The following DNAH7 variants were observed in gnomAD, a reference collection of about 807,000 sequenced individuals.
DNAH7 encodes axonemal beta dynein heavy chain 7.
In DNAH7, 397 loss-of-function variants were observed where a neutral mutation model predicts 444.6. That is an observed-to-expected ratio of 0.89 (90% confidence interval 0.82 to 0.97). The LOEUF (loss-of-function observed/expected upper bound fraction) is 0.97. Among genes scored for constraint, DNAH7 ranks in the 50% least tolerant of loss-of-function variants. DNAH7 has a pLI of 0.00. For synonymous variants in DNAH7, 1,636 were observed against 1,624.4 expected, an observed-to-expected ratio of 1.01 and a Z score of -0.17; for missense variants, 4,902 against 4,800.8, an observed-to-expected ratio of 1.02 and a Z score of -0.62.
At chr2:195,781,622 C>G (rs1299625474) in intron 58 of DNAH7, among the ~76,000 whole-genome samples, 3 of 152,048 alleles carry the variant, frequency 2.0e-5, no homozygotes, top group African/African-American at 4.8e-5. Flanking sequence ...AAGTCAACAA[C>G]TAGTATTCAT....
At chr2:195,958,731 T>G (rs1690870435) in intron 18 of DNAH7, among the ~76,000 whole-genome samples, 1 of 152,200 alleles carries the variant, frequency 6.6e-6, no homozygotes, top group Non-Finnish European at 1.5e-5. Flanking sequence ...AAACTAATAA[T>G]TTTACAAGTA....
chr2:195,881,733 T>C, intron 36 of DNAH7, 62 bp downstream of exon 36: 1 of 1,496,986 alleles, frequency 6.7e-7, no homozygotes, highest in Middle Eastern at 1.8e-4. Context: ...TTGTCTGCTA[T>C]TTCAAAAACA....
At position 195,960,467 on chromosome 2, in the gene DNAH7, G is replaced by C. The variant is rs766157769; in HGVS notation, c.2684C>G (p.Ala895Gly). The part of the protein sequence containing the change: ...IDRFEGISEA[A>G]SKEYSLEKAM... Reference sequence around the variant, plus strand: ...CTTTTCAAGAGAATATTCTTTGCTAGCTGCTTCACTAATACCTTCAAATCG... The same window carrying C: ...CTTTTCAAGAGAATATTCTTTGCTACCTGCTTCACTAATACCTTCAAATCG... Residue 895 changes from alanine to glycine, a missense_variant, in exon 18 of 65, where the codon GCT becomes GGT. Coordinates refer to ENST00000312428, the MANE Select transcript of DNAH7 (RefSeq NM_018897.3). 86 of 1,614,022 alleles carry C rather than the reference G, an allele frequency of 5.3e-5. No homozygotes were observed. Among genetic ancestry groups the C allele is most frequent in the Non-Finnish European group, 6.9e-5 (81 of 1,180,032 alleles).
In DNAH7 at chr2:195,994,291, C is replaced by T. The variant is rs554186349; in HGVS notation, c.1354-6062G>A. ...TCCACCAGTGGAAGCTTTTCCAAATCATCAGCATCAAAGATATCACTGATG... is the reference window on the plus strand; with the variant it reads ...TCCACCAGTGGAAGCTTTTCCAAATTATCAGCATCAAAGATATCACTGATG... On this transcript the variant is annotated intron_variant, in intron 12 of 64. Transcript: ENST00000312428. 44 of 434,554 alleles carry T rather than the reference C, an allele frequency of 1.0e-4. No individual in the cohort carries two copies. The East Asian group carries it at 2.4e-3, about 24-fold the overall frequency. The allele number at this position is 434,554 out of a possible 1,614,324, so 26.9% of individuals were successfully genotyped here.
intron 7 of DNAH7, among the ~76,000 whole-genome samples, chr2:196,024,809 AT>A (rs1434987463): frequency 1.3e-5 from 2 of 152,186 alleles, no homozygotes; most frequent in Non-Finnish European, 2.9e-5. Context: ...CATCAAAAAT[AT>A]TCTTGTTGAA....
intron 17 of DNAH7, among the ~76,000 whole-genome samples, chr2:195,962,381 T>C (rs2889140): frequency 0.31 from 47,280 of 152,080 alleles, 10,354 homozygotes; most frequent in African/African-American, 0.62. Context: ...GAGACAGTCT[T>C]GCTCTGTCAC....
rs1017325075 is a variant in DNAH7 at position 195,776,078 on chromosome 2, T to C, written c.11065-95A>G. ...GAGGCAGTTTTCAATACTCAAGTTATTGACTGGATAGGCCTGTGACACTGG... is the reference window on the plus strand; with the variant it reads ...GAGGCAGTTTTCAATACTCAAGTTACTGACTGGATAGGCCTGTGACACTGG... On this transcript the variant is annotated intron_variant, in intron 59 of 64. Coordinates refer to ENST00000312428, the MANE Select transcript of DNAH7 (RefSeq NM_018897.3). The C allele has an allele frequency of 4.1e-6, 6 of 1,463,256 alleles. No homozygotes were observed. In the African/African-American group the frequency reaches 4.2e-5, roughly 10 times the overall value. The allele number at this position is 1,463,256 out of a possible 1,614,324, so 90.6% of individuals were successfully genotyped here. A position where few individuals can be genotyped will look rare whatever the true frequency, so the allele number is the denominator to read the frequency against.
At chr2:195,916,142 A>T (rs2125326040) in intron 24 of DNAH7, among the ~76,000 whole-genome samples, 1 of 152,324 alleles carries the variant, frequency 6.6e-6, no homozygotes, top group South Asian at 2.1e-4. Context: ...TTAATTCAAA[A>T]TGGATCACAG....
At chr2:195,906,121 T>G (rs1192406753) in intron 27 of DNAH7, among the ~76,000 whole-genome samples, 2 of 152,092 alleles carry the variant, frequency 1.3e-5, no homozygotes, top group East Asian at 3.8e-4. Context: ...CAATAGTGTG[T>G]TTCCAGCATT....
intron 55 of DNAH7, among the ~76,000 whole-genome samples, 195 bp from the exon 56 acceptor site, chr2:195,796,932 T>A (rs1013912929): frequency 3.3e-5 from 5 of 152,186 alleles, no homozygotes; most frequent in African/African-American, 1.2e-4. Context: ...GCAAGTCAAT[T>A]CACGTAGGAA....
chr2:196,018,419 G>C (rs192742858), intron 9 of DNAH7, among the ~76,000 whole-genome samples: 75 of 152,118 alleles, frequency 4.9e-4, no homozygotes, highest in African/African-American at 1.8e-3. Flanking sequence ...CCACTTTTGT[G>C]AATCTATCCC....
chr2:195,763,698 A>AG (rs1310704250), intron 61 of DNAH7, among the ~76,000 whole-genome samples: 1 of 152,048 alleles, frequency 6.6e-6, no homozygotes, highest in African/African-American at 2.4e-5. Flanking sequence ...AAAACTAAAC[A>AG]GACCAATATC....
Position 195,873,703 on chromosome 2 carries a change from T to C in DNAH7, c.6287-9A>G, listed in dbSNP as rs1167784537. ...TGGATTTCGACCACCACCTAAATAT[T>C]AAAAAGTATAACTCTTAATAATGTT... is the stretch of plus-strand genomic sequence containing the variant. On this transcript the variant is annotated splice_polypyrimidine_tract_variant and intron_variant, in intron 38 of 64. Coordinates refer to ENST00000312428, the MANE Select transcript of DNAH7 (RefSeq NM_018897.3). 6.6e-6 allele frequency: 10 copies of C among 1,520,886 alleles called. No individual in the cohort carries two copies. The highest frequency in any genetic ancestry group is 3.4e-4 in the Middle Eastern group (2 of 5,830). The allele number at this position is 1,520,886 out of a possible 1,614,324, so 94.2% of individuals were successfully genotyped here. A position where few individuals can be genotyped will look rare whatever the true frequency, so the allele number is the denominator to read the frequency against.
At chr2:196,013,660 T>C (rs989854380) in intron 9 of DNAH7, among the ~76,000 whole-genome samples, 3 of 152,212 alleles carry the variant, frequency 2.0e-5, no homozygotes, top group African/African-American at 4.8e-5. Flanking sequence ...TGAGTTATAA[T>C]GTACTCCGTA....
chr2:195,890,835 C>T (rs1275078046), intron 31 of DNAH7, among the ~76,000 whole-genome samples: 1 of 152,076 alleles, frequency 6.6e-6, no homozygotes, highest in East Asian at 1.9e-4. Flanking sequence ...TCTGCTAGGT[C>T]CTTAAGTGGG....
intron 36 of DNAH7, among the ~76,000 whole-genome samples, chr2:195,877,055 A>T (rs1403889926): frequency 6.6e-6 from 1 of 152,168 alleles, no homozygotes; most frequent in African/African-American, 2.4e-5. Context: ...CATATATCTT[A>T]TTATCTTTCC....
intron 24 of DNAH7, among the ~76,000 whole-genome samples, chr2:195,910,400 G>A (rs1687288176): frequency 6.6e-6 from 1 of 152,012 alleles, no homozygotes; most frequent in African/African-American, 2.4e-5. Context: ...CTATATATAT[G>A]CCACATTGAG....
At chr2:195,796,785 A>G (rs1381817631) in intron 55 of DNAH7, 48 bp from the exon 56 acceptor site, 6 of 1,561,258 alleles carry the variant, frequency 3.8e-6, no homozygotes, top group Non-Finnish European at 4.3e-6. Flanking sequence ...CATTTTAAGA[A>G]ACATCAATAT....
chr2:195,858,561 G>A lies in DNAH7; in HGVS notation c.7980C>T (p.Ala2660=), dbSNP rs1340310045. ...GGTCAGCATCGCACTCATCTTTGAT[G>A]GCTTTGGAAGCCATAGCTTGTTCAT... ...IANEQAMASK[A]IKDECDADLA... The change falls in exon 43 of 65, where the codon GCC becomes GCT. Residue 2660 remains alanine, a synonymous_variant. Coordinates refer to ENST00000312428, the MANE Select transcript of DNAH7 (RefSeq NM_018897.3). 6 of 1,613,926 alleles carry A rather than the reference G, an allele frequency of 3.7e-6. No homozygotes were observed. Among genetic ancestry groups the A allele is most frequent in the Non-Finnish European group, 5.1e-6 (6 of 1,179,942 alleles).
Sources: allele counts gnomAD v4.1 joint callset (sites outside exome capture counted in the v4.1 genomes callset), GRCh38; gene constraint gnomAD v4.1.1; transcripts MANE v1.5; gene names NCBI Gene and HGNC (gene_info 2026-07-23, HGNC 2026-07-21).